The following DLG2 variants were observed in gnomAD, a reference collection of about 807,000 sequenced individuals.
DLG2 encodes the protein disks large homolog 2.
Under a neutral mutation model 132.5 loss-of-function variants are expected in DLG2, and 45 were observed. The observed-to-expected ratio is 0.34, with a 90% CI of 0.27 to 0.44. The LOEUF (loss-of-function observed/expected upper bound fraction) is 0.44. DLG2 is among the 20% of genes least tolerant of loss of function. DLG2 has a pLI of 1.00. For missense variants in DLG2, 1,045 were observed against 1,196.9 expected (o/e 0.87, Z 1.87); for synonymous variants, 424 against 419.6 (o/e 1.01, Z -0.13).
At chr11:84,456,588 G>T (rs2099066011) in intron 7 of DLG2, among the ~76,000 whole-genome samples, 2 of 151,186 alleles carry the variant, frequency 1.3e-5, no homozygotes. Context: ...CTCATTCTTT[G>T]CTCTAACCTA....
At chr11:83,657,900 T>C (rs1448936222) in intron 18 of DLG2, among the ~76,000 whole-genome samples, 2 of 152,100 alleles carry the variant, frequency 1.3e-5, no homozygotes, top group African/African-American at 2.4e-5. Flanking sequence ...AGAACACCAA[T>C]AGTTGCCTAT....
At chr11:85,256,917 G>A (rs1047161846) in intron 4 of DLG2, among the ~76,000 whole-genome samples, 6 of 152,114 alleles carry the variant, frequency 3.9e-5, no homozygotes, top group African/African-American at 1.4e-4. Flanking sequence ...ATAGAATGTT[G>A]TATAATTATC....
In DLG2 at chr11:85,166,079, T is replaced by TTATCTTCCAC. The variant is rs1265449164; in HGVS notation, c.187-11438_187-11429dup. On this transcript the variant is annotated intron_variant, in intron 4 of 27. Coordinates refer to ENST00000376104, the MANE Select transcript of DLG2 (RefSeq NM_001142699.3). The stretch of plus-strand genomic sequence containing the variant: ...TTTTTCTGACTTTCTATACTCCTCA[T>TTATCTTCCAC]TATCTTCCACTTTCTCTGACATTTC... Among the ~76,000 whole-genome samples, 4 of 152,136 alleles carry TTATCTTCCAC rather than the reference T, an allele frequency of 2.6e-5. 1 individual carries two copies. In the South Asian group the frequency reaches 8.3e-4, roughly 31 times the overall value.
At chr11:83,569,651 C>A (rs1593402948) in intron 19 of DLG2, among the ~76,000 whole-genome samples, 1 of 152,126 alleles carries the variant, frequency 6.6e-6, no homozygotes, top group South Asian at 2.1e-4. Flanking sequence ...GAGAGTCAAA[C>A]CCAGGGATAG....
At chr11:83,690,982 A>G (rs1020848615) in intron 18 of DLG2, among the ~76,000 whole-genome samples, 1 of 152,188 alleles carries the variant, frequency 6.6e-6, no homozygotes, top group Non-Finnish European at 1.5e-5. Flanking sequence ...TGTATGCCCT[A>G]TAAAATATAA....
chr11:84,586,371 T>C (rs1000492081), intron 6 of DLG2, among the ~76,000 whole-genome samples: 1 of 152,196 alleles, frequency 6.6e-6, no homozygotes, highest in Non-Finnish European at 1.5e-5. Flanking sequence ...GCCTGACATT[T>C]ATAAAGTACC....
intron 6 of DLG2, among the ~76,000 whole-genome samples, chr11:84,666,406 T>G (rs1002531685): frequency 3.9e-5 from 6 of 152,204 alleles, no homozygotes; most frequent in African/African-American, 1.4e-4. Context: ...GATTTTAGAC[T>G]TGACAGCCTC....
At chr11:84,754,999 T>C (rs895694314) in intron 6 of DLG2, among the ~76,000 whole-genome samples, 2 of 152,216 alleles carry the variant, frequency 1.3e-5, no homozygotes, top group Non-Finnish European at 2.9e-5. Flanking sequence ...AGATAATTCA[T>C]AGGATGTTAT....
chr11:85,626,353 T>C (rs993978538), intron 2 of DLG2, among the ~76,000 whole-genome samples: 1 of 152,192 alleles, frequency 6.6e-6, no homozygotes, highest in Non-Finnish European at 1.5e-5. Flanking sequence ...TCTATTCTTA[T>C]TACCAACGGT....
At chr11:84,053,889 G>A (rs911829407) in intron 11 of DLG2, among the ~76,000 whole-genome samples, 2 of 152,004 alleles carry the variant, frequency 1.3e-5, no homozygotes, top group Middle Eastern at 3.4e-3. Flanking sequence ...TACATTCTCA[G>A]TTTACACTGA....
chr11:84,669,859 G>C (rs1318884732), intron 6 of DLG2, among the ~76,000 whole-genome samples: 1 of 152,146 alleles, frequency 6.6e-6, no homozygotes, highest in African/African-American at 2.4e-5. Context: ...AGAATTGGTG[G>C]AGGATTCTGA....
intron 3 of DLG2, among the ~76,000 whole-genome samples, chr11:85,426,315 G>A (rs1166628474): frequency 2.6e-5 from 4 of 152,168 alleles, no homozygotes; most frequent in Admixed American, 6.5e-5. Context: ...ATCTGAGAAC[G>A]GACAGACTGC....
chr11:84,866,243 C>T (rs2084542810), intron 6 of DLG2, among the ~76,000 whole-genome samples: 1 of 152,100 alleles, frequency 6.6e-6, no homozygotes, highest in South Asian at 2.1e-4. Flanking sequence ...TGATTTGCTG[C>T]TGGAGCCTGA....
chr11:83,849,418 T>C (rs1192820439), intron 16 of DLG2, among the ~76,000 whole-genome samples: 2 of 151,714 alleles, frequency 1.3e-5, no homozygotes, highest in African/African-American at 4.8e-5. Context: ...TATTGTGTTA[T>C]AGATGAAGAT....
chr11:84,830,701 TGA>T (rs1205336035), intron 6 of DLG2, among the ~76,000 whole-genome samples: 1 of 151,496 alleles, frequency 6.6e-6, no homozygotes, highest in Non-Finnish European at 1.5e-5. Context: ...AAATGTAAAA[TGA>T]GAGGAACTTG....
chr11:85,481,894 G>A (rs1029651865), intron 3 of DLG2, among the ~76,000 whole-genome samples: 4 of 151,912 alleles, frequency 2.6e-5, no homozygotes, highest in South Asian at 4.2e-4. Context: ...GCTGCTACCC[G>A]CAGACTGAGC....
At chr11:84,156,749 C>A (rs990170184) in intron 9 of DLG2, among the ~76,000 whole-genome samples, 6 of 152,136 alleles carry the variant, frequency 3.9e-5, no homozygotes, top group African/African-American at 1.2e-4. Flanking sequence ...ATGCAAATTC[C>A]TACAGAAGAA....
At chr11:84,506,762 A>G (rs1212733234) in intron 7 of DLG2, among the ~76,000 whole-genome samples, 6 of 152,190 alleles carry the variant, frequency 3.9e-5, no homozygotes, top group Non-Finnish European at 8.8e-5. Context: ...AGCGAATAAT[A>G]TTTATATGTG....
At chr11:85,396,852 C>T (rs1338664557) in intron 3 of DLG2, among the ~76,000 whole-genome samples, 2 of 152,214 alleles carry the variant, frequency 1.3e-5, no homozygotes, top group African/African-American at 4.8e-5. Context: ...AGAAAACACT[C>T]TTCAAGATAT....
Sources: gnomAD v4.1 joint callset for allele counts (sites outside exome capture counted in the v4.1 genomes callset) on GRCh38, gnomAD v4.1.1 for gene constraint, MANE v1.5 for transcripts, NCBI Gene and HGNC (gene_info 2026-07-23, HGNC 2026-07-21) for gene names.